PAK1: variants seen among roughly 807,000 people sequenced by gnomAD.
The protein encoded by PAK1 is p21 (RAC1) activated kinase 1, also known as serine/threonine-protein kinase PAK 1.
Under a neutral mutation model 67.4 loss-of-function variants are expected in PAK1, and 29 were observed. That is an observed-to-expected ratio of 0.43 (90% CI 0.32 to 0.59). The LOEUF (loss-of-function observed/expected upper bound fraction) is 0.59. PAK1 is among the 20% of genes least tolerant of loss of function. The pLI is 0.07. For missense variants in PAK1, 337 were observed against 670.7 expected, an observed-to-expected ratio of 0.50 and a Z score of 5.50; for synonymous variants, 223 against 237.4, an observed-to-expected ratio of 0.94 and a Z score of 0.56.
chr11:77,349,107 A>G, intron 9 of PAK1, 132 bp downstream of exon 9: 1 of 634,404 alleles, frequency 1.6e-6, no homozygotes, highest in South Asian at 1.9e-5. Context: ...CCTGGATGAC[A>G]GAGTGAGACC....
chr11:77,480,153 C>T, the PAK1 span, among the ~76,000 whole-genome samples: 2 of 152,058 alleles, frequency 1.3e-5, no homozygotes, highest in African/African-American at 4.8e-5. Flanking sequence ...TGGCAAGCAC[C>T]CTCCCAACTC....
intron 1 of PAK1, among the ~76,000 whole-genome samples, chr11:77,407,809 G>C (rs762773983): frequency 1.4e-4 from 21 of 152,182 alleles, no homozygotes; most frequent in Non-Finnish European, 2.5e-4. Flanking sequence ...AGTCACCCAA[G>C]TGGCCTCGAG....
chr11:77,343,031 C>T (rs1943864340), intron 10 of PAK1, among the ~76,000 whole-genome samples: 1 of 151,894 alleles, frequency 6.6e-6, no homozygotes, highest in African/African-American at 2.4e-5. Context: ...GTCTATAAAC[C>T]TCAGTTTCCT....
At chr11:77,442,537 G>C (rs1022281785) in intron 1 of PAK1, among the ~76,000 whole-genome samples, 2 of 152,132 alleles carry the variant, frequency 1.3e-5, no homozygotes, top group African/African-American at 4.8e-5. Context: ...GAGTGAACTT[G>C]GAAGGAGTTC....
chr11:77,335,402 T>G (rs1417991746), intron 13 of PAK1, among the ~76,000 whole-genome samples: 1 of 152,200 alleles, frequency 6.6e-6, no homozygotes, highest in African/African-American at 2.4e-5. Context: ...ATTACCCAAC[T>G]TAAGTATGCT....
intron 5 of PAK1, among the ~76,000 whole-genome samples, chr11:77,364,074 T>C (rs1320769839): frequency 6.6e-6 from 1 of 152,256 alleles, no homozygotes; most frequent in Non-Finnish European, 1.5e-5. Context: ...GGGTCAACTA[T>C]TCAGCTCTAT....
the PAK1 span, among the ~76,000 whole-genome samples, chr11:77,509,504 G>A: frequency 1.3e-4 from 20 of 152,218 alleles, no homozygotes; most frequent in Admixed American, 2.0e-4. Flanking sequence ...CAGGCCAATT[G>A]TGGCAACCCC....
chr11:77,493,541 C>T, the PAK1 span, among the ~76,000 whole-genome samples: 1 of 147,418 alleles, frequency 6.8e-6, no homozygotes, highest in Non-Finnish European at 1.5e-5. Context: ...AGTCCACCTA[C>T]CTCTGCCTCC....
At chr11:77,463,037 C>T (rs1285928538) in intron 1 of PAK1, among the ~76,000 whole-genome samples, 3 of 151,046 alleles carry the variant, frequency 2.0e-5, no homozygotes, top group African/African-American at 7.3e-5. Flanking sequence ...TATGTTAAAA[C>T]TCATTCTCTT....
intron 1 of PAK1, among the ~76,000 whole-genome samples, chr11:77,444,882 A>C (rs917505627): frequency 6.6e-6 from 1 of 152,030 alleles, no homozygotes; most frequent in Non-Finnish European, 1.5e-5. Flanking sequence ...TTATCCCACA[A>C]TATCTCTACT....
upstream of PAK1, chr11:77,474,332 G>A (rs562795348): frequency 6.6e-6 from 1 of 152,296 alleles, no homozygotes; most frequent in African/African-American, 2.4e-5. Context: ...TGGCCCGCAT[G>A]AGGGCGAACG....
chr11:77,438,444 G>A (rs923079986), intron 1 of PAK1, among the ~76,000 whole-genome samples: 1 of 152,130 alleles, frequency 6.6e-6, no homozygotes, highest in Non-Finnish European at 1.5e-5. Flanking sequence ...TGTATCAAAG[G>A]CTTGCCTCCA....
chr11:77,327,393 G>C (rs1242597873), intron 14 of PAK1, among the ~76,000 whole-genome samples: 1 of 151,226 alleles, frequency 6.6e-6, no homozygotes, highest in African/African-American at 2.4e-5. Flanking sequence ...AGAAAGGTCG[G>C]GTTACCCACA....
At chr11:77,384,303 G>A (rs1399335560) in intron 2 of PAK1, among the ~76,000 whole-genome samples, 1 of 152,132 alleles carries the variant, frequency 6.6e-6, no homozygotes, top group Non-Finnish European at 1.5e-5. Context: ...AGACACAATG[G>A]AGAAAATAAA....
At chr11:77,409,396 T>C (rs557795950) in intron 1 of PAK1, among the ~76,000 whole-genome samples, 1 of 151,534 alleles carries the variant, frequency 6.6e-6, no homozygotes, top group African/African-American at 2.4e-5. Context: ...AGCATGGAGG[T>C]TCCTCAGAAA....
At chr11:77,479,769 G>A in the PAK1 span, among the ~76,000 whole-genome samples, 11 of 151,290 alleles carry the variant, frequency 7.3e-5, no homozygotes, top group African/African-American at 2.4e-4. Flanking sequence ...CAGCACACCC[G>A]GCTAATTTTT....
At chr11:77,450,722 A>G (rs935401539) in intron 1 of PAK1, among the ~76,000 whole-genome samples, 1 of 152,244 alleles carries the variant, frequency 6.6e-6, no homozygotes, top group Non-Finnish European at 1.5e-5. Flanking sequence ...GACACTTAGA[A>G]TAACAGAGAC....
At chr11:77,447,933 A>G (rs1241023065) in intron 1 of PAK1, among the ~76,000 whole-genome samples, 1 of 152,246 alleles carries the variant, frequency 6.6e-6, no homozygotes, top group Admixed American at 6.5e-5. Flanking sequence ...AGAGTACCAC[A>G]GCTATTTGCT....
At chr11:77,515,333 A>G in the PAK1 span, among the ~76,000 whole-genome samples, 1 of 152,138 alleles carries the variant, frequency 6.6e-6, no homozygotes, top group Non-Finnish European at 1.5e-5. Flanking sequence ...GAGTTAATCT[A>G]GATAAAGAGA....
Sources: gnomAD v4.1 joint callset for allele counts (sites outside exome capture counted in the v4.1 genomes callset) on GRCh38, gnomAD v4.1.1 for gene constraint, MANE v1.5 for transcripts, NCBI Gene and HGNC (gene_info 2026-07-23, HGNC 2026-07-21) for gene names.